Variants in GFRA1 observed in about 807,000 individuals in gnomAD.
GFRA1 encodes the protein GDNF family receptor alpha-1.
A neutral mutation model predicts 51.6 loss-of-function variants in GFRA1; 16 were observed. The ratio of observed to expected loss-of-function variants is 0.31; its 90% CI spans 0.21 to 0.47. The LOEUF (loss-of-function observed/expected upper bound fraction) is 0.47. GFRA1 is among the 20% of genes least tolerant of loss of function. The pLI, the probability that GFRA1 is intolerant of heterozygous loss-of-function variation, is 1.00. For missense variants in GFRA1, 530 were observed against 594.3 expected (o/e 0.89, Z 1.13); for synonymous variants, 270 against 241.3 (o/e 1.12, Z -1.10).
At chr10:116,216,043 C>CCCT (rs1214298198) in intron 4 of GFRA1, among the ~76,000 whole-genome samples, 1 of 152,144 alleles carries the variant, frequency 6.6e-6, no homozygotes, top group Non-Finnish European at 1.5e-5. Flanking sequence ...GAATGAGCAT[C>CCCT]GAGGATATTT....
At chr10:116,177,037 A>G (rs1961688144) in intron 5 of GFRA1, among the ~76,000 whole-genome samples, 1 of 152,164 alleles carries the variant, frequency 6.6e-6, no homozygotes, top group Non-Finnish European at 1.5e-5. Context: ...AGAGGCTGTA[A>G]TTTACCTGGC....
intron 5 of GFRA1, among the ~76,000 whole-genome samples, chr10:116,185,144 G>A (rs538871483): frequency 2.8e-4 from 43 of 152,050 alleles, no homozygotes; most frequent in African/African-American, 8.7e-4. Flanking sequence ...AGAATGCGTC[G>A]GCAAGGGAGG....
At chr10:116,095,624 G>A (rs544836193) in intron 7 of GFRA1, among the ~76,000 whole-genome samples, 1 of 152,282 alleles carries the variant, frequency 6.6e-6, no homozygotes, top group South Asian at 2.1e-4. Flanking sequence ...AAAAAGTTGG[G>A]AGTAAAGAAT....
chr10:116,192,517 A>G (rs2134330034), intron 5 of GFRA1, among the ~76,000 whole-genome samples: 1 of 152,272 alleles, frequency 6.6e-6, no homozygotes, highest in South Asian at 2.1e-4. Flanking sequence ...GGGTGAATGA[A>G]TCGTCCAAGG....
At chr10:116,090,443 A>AAAC (rs1264652702) in intron 8 of GFRA1, among the ~76,000 whole-genome samples, 1 of 151,240 alleles carries the variant, frequency 6.6e-6, no homozygotes, top group Non-Finnish European at 1.5e-5. Flanking sequence ...AAAAAAAAAA[A>AAAC]AAAAAAAAAA....
At chr10:116,102,884 A>G (rs1053486328) in intron 6 of GFRA1, among the ~76,000 whole-genome samples, 7 of 152,200 alleles carry the variant, frequency 4.6e-5, no homozygotes, top group African/African-American at 1.7e-4. Context: ...CCCCTTATCA[A>G]TCTACTTGTA....
At chr10:116,220,102 A>C (rs574223658) in intron 4 of GFRA1, among the ~76,000 whole-genome samples, 2 of 152,318 alleles carry the variant, frequency 1.3e-5, no homozygotes, top group South Asian at 4.1e-4. Context: ...AATTACATTC[A>C]CAAAAAAATT....
intron 4 of GFRA1, among the ~76,000 whole-genome samples, chr10:116,261,122 A>C (rs1969267926): frequency 6.6e-6 from 1 of 152,212 alleles, no homozygotes; most frequent in Admixed American, 6.5e-5. Flanking sequence ...AAACAAAGAA[A>C]ATAAAGTGTA....
chr10:116,064,878 A>C (rs937141628), intron 10 of GFRA1, among the ~76,000 whole-genome samples: 2 of 148,814 alleles, frequency 1.3e-5, no homozygotes, highest in African/African-American at 5.2e-5. Flanking sequence ...CACGTTGCAC[A>C]GGTAACTGAC....
At chr10:116,122,765 A>C (rs1391203410) in intron 6 of GFRA1, among the ~76,000 whole-genome samples, 1 of 151,344 alleles carries the variant, frequency 6.6e-6, no homozygotes, top group African/African-American at 2.4e-5. Flanking sequence ...CATCACCACC[A>C]CCTCTCCCAC....
At chr10:116,112,436 A>C (rs1056411788) in intron 6 of GFRA1, among the ~76,000 whole-genome samples, 3 of 152,328 alleles carry the variant, frequency 2.0e-5, no homozygotes, top group East Asian at 3.9e-4. Context: ...CATATCAGAA[A>C]GAGCAGAGGG....
At chr10:116,102,319 T>C (rs1956847354) in intron 6 of GFRA1, among the ~76,000 whole-genome samples, 1 of 152,182 alleles carries the variant, frequency 6.6e-6, no homozygotes, top group African/African-American at 2.4e-5. Flanking sequence ...CTTAGAGACA[T>C]GACGGGTACT....
chr10:116,085,299 A>G (rs1191363490), intron 9 of GFRA1, among the ~76,000 whole-genome samples: 4 of 152,332 alleles, frequency 2.6e-5, no homozygotes, highest in South Asian at 2.1e-4. Context: ...AAATGTTAAG[A>G]CTGAAACTCA....
At chr10:116,141,763 T>C (rs528544546) in intron 5 of GFRA1, among the ~76,000 whole-genome samples, 1 of 152,276 alleles carries the variant, frequency 6.6e-6, no homozygotes, top group Admixed American at 6.5e-5. Flanking sequence ...TTTGTATTTT[T>C]AGTACAGACG....
In GFRA1 at chr10:116,244,582, A is replaced by T. The variant is rs562490234; in HGVS notation, c.418+24921T>A. 4.0e-5 allele frequency among the ~76,000 whole-genome samples: 6 copies of T among 151,036 alleles called. No homozygotes were observed. In the South Asian group the frequency reaches 1.0e-3, roughly 26 times the overall value. ...TAAAATATACAGGCGTTAAAATTTT[A>T]AAAATTCAATATATGGGTTCAACAA... On this transcript the variant is annotated intron_variant, in intron 4 of 10. Transcript: ENST00000355422.
At chr10:116,224,867 A>T (rs1000258734) in intron 4 of GFRA1, among the ~76,000 whole-genome samples, 2 of 152,232 alleles carry the variant, frequency 1.3e-5, no homozygotes, top group Non-Finnish European at 2.9e-5. Context: ...ATTTCAAATG[A>T]CTAGGAATGA....
intron 4 of GFRA1, among the ~76,000 whole-genome samples, chr10:116,237,927 G>A (rs1423628893): frequency 6.6e-6 from 1 of 152,056 alleles, no homozygotes; most frequent in African/African-American, 2.4e-5. Context: ...GGCATCACAG[G>A]GACACATCCA....
At chr10:116,116,357 G>A (rs1251408514) in intron 6 of GFRA1, among the ~76,000 whole-genome samples, 1 of 152,252 alleles carries the variant, frequency 6.6e-6, no homozygotes, top group Non-Finnish European at 1.5e-5. Flanking sequence ...CCCCAAACTG[G>A]TGACACCATG....
intron 4 of GFRA1, among the ~76,000 whole-genome samples, chr10:116,242,330 A>T (rs1967458274): frequency 6.6e-6 from 1 of 152,228 alleles, no homozygotes; most frequent in East Asian, 1.9e-4. Flanking sequence ...AAATGTGACC[A>T]TAAGCAGAGA....
Sources: allele counts gnomAD v4.1 joint callset (sites outside exome capture counted in the v4.1 genomes callset), GRCh38; gene constraint gnomAD v4.1.1; transcripts MANE v1.5; gene names NCBI Gene and HGNC (gene_info 2026-07-23, HGNC 2026-07-21).